EIF3A: variants seen among roughly 807,000 people sequenced by gnomAD.
The protein encoded by EIF3A is EIF3, p180 subunit.
EIF3A carries 21 observed loss-of-function variants against 186.6 expected under a neutral mutation model. That is an observed-to-expected ratio of 0.11 (90% CI 0.08 to 0.16). The LOEUF is 0.16. Ranked by LOEUF, EIF3A falls within the 10% of genes least tolerant of loss-of-function variation. The probability of loss-of-function intolerance (pLI) is 1.00; values close to 1 mark genes in which losing one functional copy is unlikely to be tolerated. For missense variants in EIF3A, 1,306 were observed against 1,796.3 expected (o/e 0.73, Z 4.93); for synonymous variants, 563 against 584.3 (o/e 0.96, Z 0.52).
chr10:119,041,120 G>C (rs1424501370), intron 19 of EIF3A, among the ~76,000 whole-genome samples: 1 of 152,042 alleles, frequency 6.6e-6, no homozygotes, highest in East Asian at 1.9e-4. Flanking sequence ...AGAGGTTGCA[G>C]TGAGCTGAGA....
chr10:119,073,105 ATG>A, intron 3 of EIF3A, 52 bp from the exon 4 acceptor site: 1 of 1,538,540 alleles, frequency 6.5e-7, no homozygotes, highest in Admixed American at 2.1e-5. Context: ...CTACTTTGCC[ATG>A]TGATTAAAAA....
intron 16 of EIF3A, 74 bp from the exon 17 acceptor site, chr10:119,050,059 G>C: frequency 7.2e-7 from 1 of 1,380,914 alleles, no homozygotes; most frequent in East Asian, 2.3e-5. Context: ...CACTTTTCTG[G>C]TATTAAACAG....
intron 19 of EIF3A, among the ~76,000 whole-genome samples, chr10:119,041,421 T>G (rs1848207838): frequency 6.6e-6 from 1 of 151,168 alleles, no homozygotes; most frequent in Middle Eastern, 3.4e-3. Context: ...AAAAATAAAA[T>G]ATTAGCAGGG....
In EIF3A at chr10:119,035,170, C is replaced by T. The variant is rs1328827797; in HGVS notation, c.*869G>A. 3.9e-5 allele frequency: 6 copies of T among 152,054 alleles called. No homozygotes were observed. Among genetic ancestry groups the T allele is most frequent in the African/African-American group, 1.5e-4 (6 of 41,254 alleles). 9.4% of individuals were successfully genotyped at this position (152,054 alleles called of 1,614,324 possible). On this transcript the variant is annotated 3_prime_UTR_variant, in exon 22 of 22. Coordinates refer to ENST00000369144, the MANE Select transcript of EIF3A (RefSeq NM_003750.4). ...GCTCCAAAATTGAAGTCAACACAGT[C>T]ATTACTACAAATTACTTGTTGAAAG...
At chr10:119,051,647 G>A (rs1848357942) in intron 14 of EIF3A, among the ~76,000 whole-genome samples, 1 of 152,150 alleles carries the variant, frequency 6.6e-6, no homozygotes, top group Admixed American at 6.6e-5. Context: ...CCACAATAAA[G>A]AATATTGCAA....
chr10:119,063,045 C>T (rs554349862), intron 7 of EIF3A, among the ~76,000 whole-genome samples: 14 of 152,122 alleles, frequency 9.2e-5, no homozygotes, highest in African/African-American at 3.4e-4. Context: ...TGAGCCACCG[C>T]GCCTAGCCAA....
chr10:119,076,141 G>A (rs1350706680), intron 1 of EIF3A, among the ~76,000 whole-genome samples: 1 of 149,798 alleles, frequency 6.7e-6, no homozygotes, highest in Non-Finnish European at 1.5e-5. Context: ...GACCATCCTG[G>A]CTAACACGGT....
intron 7 of EIF3A, among the ~76,000 whole-genome samples, chr10:119,064,834 C>A (rs899901146): frequency 1.3e-5 from 2 of 152,176 alleles, no homozygotes; most frequent in South Asian, 4.2e-4. Flanking sequence ...CAGCCTCCTG[C>A]GTAGCTGGGA....
intron 1 of EIF3A, among the ~76,000 whole-genome samples, chr10:119,079,733 T>C (rs1297841738): frequency 6.6e-6 from 1 of 151,858 alleles, no homozygotes; most frequent in African/African-American, 2.4e-5. Context: ...AGTACACATA[T>C]AGAAATAGAA....
rs746080611 is a variant in EIF3A at position 119,044,138 on chromosome 10, G to C, written c.2663C>G (p.Ser888Cys). ...LGDSSLSRKDSRWGDRDSEGT... is the reference protein window; with the variant it reads ...LGDSSLSRKDCRWGDRDSEGT... ...TTCTGAATCTCTATCTCCCCAACGA[G>C]AGTCCTCCATTGACAAAGTGAAAAA... The change falls in exon 18 of 22, where the codon TCT becomes TGT. Residue 888 changes from serine (S) to cysteine (C), a missense_variant. Around this residue, in one of 8 missense-constraint regions of EIF3A, gnomAD observed 410 missense variants for 473.5 expected, o/e 0.87. Coordinates refer to ENST00000369144, the MANE Select transcript of EIF3A (RefSeq NM_003750.4). 1.2e-6 allele frequency: 2 copies of C among 1,610,622 alleles called. No individual in the cohort carries two copies. The highest frequency in any genetic ancestry group is 8.5e-7 in the Non-Finnish European group (1 of 1,176,880).
chr10:119,039,070 A>G (rs1400990964), intron 19 of EIF3A, among the ~76,000 whole-genome samples: 1 of 152,234 alleles, frequency 6.6e-6, no homozygotes, highest in African/African-American at 2.4e-5. Context: ...GATGTTACAC[A>G]GATCACTCAT....
At chr10:119,053,882 C>G (rs1848391354) in intron 14 of EIF3A, among the ~76,000 whole-genome samples, 1 of 152,194 alleles carries the variant, frequency 6.6e-6, no homozygotes, top group African/African-American at 2.4e-5. Flanking sequence ...ATGAACCAAC[C>G]TCTGCTAGCT....
intron 8 of EIF3A, 187 bp from the exon 9 acceptor site, chr10:119,061,031 A>C (rs1224604593): frequency 5.2e-6 from 3 of 579,212 alleles, no homozygotes; most frequent in Non-Finnish European, 9.0e-6. Context: ...TCATGCTGCT[A>C]ATTAACCTCC....
rs768516430 is a variant in EIF3A at position 119,036,038 on chromosome 10, C to CT, written c.4149dup. ...CCAGTTTAAATCCATTATCTTGAGA[C>CT]TTAACGTCGTACTGTGGTCCATCCA... On this transcript the variant is annotated 3_prime_UTR_variant, in exon 22 of 22. Coordinates refer to ENST00000369144, the MANE Select transcript of EIF3A (RefSeq NM_003750.4). 2.2e-5 allele frequency: 35 copies of CT among 1,610,118 alleles called. No homozygotes were observed. The Middle Eastern group carries it at 5.0e-4, about 23-fold the overall frequency.
chr10:119,080,375 C>T (rs1462014985), intron 1 of EIF3A: 31 of 985,316 alleles, frequency 3.1e-5, no homozygotes, highest in East Asian at 2.3e-4. Flanking sequence ...GTCCCCGCGA[C>T]GCACCCGGAG....
At chr10:119,067,801 C>T (rs1364244887) in intron 6 of EIF3A, among the ~76,000 whole-genome samples, 1 of 152,020 alleles carries the variant, frequency 6.6e-6, no homozygotes, top group African/African-American at 2.4e-5. Flanking sequence ...ATGTGTGTTG[C>T]CTAAGTCCAA....
chr10:119,056,705 A>T (rs978497435), intron 14 of EIF3A, 35 bp downstream of exon 14: 16 of 1,344,680 alleles, frequency 1.2e-5, no homozygotes, highest in Non-Finnish European at 1.7e-5. Flanking sequence ...ATTTTATTAC[A>T]ATCTAAAAAT....
At chr10:119,044,610 A>G (rs1170879026) in intron 17 of EIF3A, among the ~76,000 whole-genome samples, 1 of 152,200 alleles carries the variant, frequency 6.6e-6, no homozygotes, top group African/African-American at 2.4e-5. Flanking sequence ...GCAGTTTGGA[A>G]GGCCGAGGCA....
At chr10:119,041,933 C>A in intron 19 of EIF3A, 61 bp downstream of exon 19, 2 of 1,498,512 alleles carry the variant, frequency 1.3e-6, no homozygotes, top group South Asian at 2.4e-5. Context: ...TGATATTTAT[C>A]CATCAGAATT....
Sources: allele counts gnomAD v4.1 joint callset (sites outside exome capture counted in the v4.1 genomes callset), GRCh38; gene constraint gnomAD v4.1.1; regional missense constraint gnomAD v4.1.1; transcripts MANE v1.5; gene names NCBI Gene and HGNC (gene_info 2026-07-23, HGNC 2026-07-21).